The following NLRP11 variants were observed in gnomAD, a reference collection of about 807,000 sequenced individuals.
The protein encoded by NLRP11 is NACHT, LRR and PYD domains-containing protein 11.
A neutral mutation model predicts 79.3 loss-of-function variants in NLRP11; 53 were observed. The observed-to-expected ratio is 0.67, with a 90% CI of 0.54 to 0.84. The LOEUF is 0.84. NLRP11 is among the 40% of genes least tolerant of loss of function. The pLI is 0.00. For synonymous variants in NLRP11, 518 were observed against 462.6 expected (o/e 1.12, Z -1.54); for missense variants, 1,264 against 1,255.0 (o/e 1.01, Z -0.11).
intron 3 of NLRP11, among the ~76,000 whole-genome samples, chr19:55,808,425 G>A (rs1274261992): frequency 1.3e-5 from 2 of 152,176 alleles, no homozygotes; most frequent in Admixed American, 1.3e-4. Context: ...CCGCTAAGCA[G>A]ACATTTGGTG....
At chr19:55,829,804 C>T (rs929873236) in intron 1 of NLRP11, among the ~76,000 whole-genome samples, 2 of 152,132 alleles carry the variant, frequency 1.3e-5, no homozygotes, top group East Asian at 1.9e-4. Flanking sequence ...ACAGTTGACT[C>T]CTGAACTCAA....
In NLRP11 at chr19:55,820,300, C is replaced by T. The variant is rs553675235; in HGVS notation, c.-62-2064G>A. Among the ~76,000 whole-genome samples, 14 of 152,166 alleles carry T rather than the reference C, an allele frequency of 9.2e-5. 1 individual carries two copies. In the South Asian group the frequency reaches 2.5e-3, roughly 27 times the overall value. On this transcript the variant is annotated intron_variant, in intron 1 of 9. Transcript: ENST00000589093. ...GCTTTCATGTTAGGTCAGGTGAAGT[C>T]GAGCAAACTTTGGCAGCCTAGAGCT...
At chr19:55,787,383 C>T (rs1989943419) in intron 9 of NLRP11, among the ~76,000 whole-genome samples, 1 of 152,226 alleles carries the variant, frequency 6.6e-6, no homozygotes, top group Non-Finnish European at 1.5e-5. Context: ...GTCACCCAGG[C>T]TGGAGTGCAA....
intron 5 of NLRP11, 76 bp downstream of exon 5, chr19:55,801,496 G>T: frequency 1.7e-6 from 2 of 1,179,128 alleles, no homozygotes; most frequent in Non-Finnish European, 2.5e-6. Flanking sequence ...TAGTGTTATT[G>T]AAGGGGCACC....
rs114531512 is a variant in NLRP11, at chr19:55,809,205, A to G, written c.1405T>C (p.Tyr469His). 1.9e-5 allele frequency: 31 copies of G among 1,613,828 alleles called. No homozygotes were observed. Among genetic ancestry groups the G allele is most frequent in the Non-Finnish European group, 2.5e-5 (29 of 1,179,682 alleles). Residue 469 changes from tyrosine (Y) to histidine (H), a missense_variant, in exon 3 of 10, where the codon TAT (tyrosine) becomes CAT (histidine). Transcript: ENST00000589093. This position sits in a 1 kb window ranked among gnomAD's most constrained non-coding sequence, Gnocchi z 4.5. ...TCTCTGCTGCCTGAGGGGATCAGAT[A>G]GTTGGGTACTGCCATCAGAAATGCA...
chr19:55,810,160 G>A, exon 3 of NLRP11: 1 of 1,613,786 alleles, frequency 6.2e-7, no homozygotes, highest in South Asian at 1.1e-5. Context: ...CTCCCATCAG[G>A]AACACATTGA....
chr19:55,792,484 A>C lies in NLRP11; in HGVS notation c.2343-13T>G. On this transcript the variant is annotated splice_polypyrimidine_tract_variant and intron_variant, in intron 6 of 9. Transcript: ENST00000589093. ...GCAGAAGACTAACCTGCACACAGAGAAGAGTGAGTCAGTGACAGTGTGAGC... is the reference window on the plus strand; with the variant it reads ...GCAGAAGACTAACCTGCACACAGAGCAGAGTGAGTCAGTGACAGTGTGAGC... The C allele has an allele frequency of 6.2e-7, 1 of 1,612,692 alleles. No homozygotes were observed. The highest frequency in any genetic ancestry group is 1.1e-5 in the South Asian group (1 of 91,044).
At chr19:55,794,858 G>C (rs143505247) in intron 6 of NLRP11, among the ~76,000 whole-genome samples, 3,206 of 152,084 alleles carry the variant, frequency 0.021, 52 homozygotes, top group Non-Finnish European at 0.03. Context: ...ATTTTTTACA[G>C]AAAATATAAA....
intron 1 of NLRP11, among the ~76,000 whole-genome samples, chr19:55,821,238 CACACACACA>C (rs879564043): frequency 0.012 from 1,495 of 126,790 alleles, 22 homozygotes; most frequent in Middle Eastern, 0.02. Context: ...CACACACACA[CACACACACA>C]CACCCCAAGC....
At chr19:55,800,183 A>G (rs1979339806) in intron 5 of NLRP11, among the ~76,000 whole-genome samples, 1 of 152,226 alleles carries the variant, frequency 6.6e-6, no homozygotes, top group Non-Finnish European at 1.5e-5. Flanking sequence ...GATGAAGTCT[A>G]GCAAGTGGTA....
chr19:55,827,442 G>T (rs1486805731), intron 1 of NLRP11, among the ~76,000 whole-genome samples: 2 of 150,806 alleles, frequency 1.3e-5, no homozygotes, highest in African/African-American at 4.9e-5. Context: ...AAGAGCTTCT[G>T]CACAGCAAAA....
rs368511713 is a variant in NLRP11, at chr19:55,810,633, A to T, written c.272-295T>A. Among the ~76,000 whole-genome samples, 27 of 152,216 alleles carry T rather than the reference A, an allele frequency of 1.8e-4. 1 individual carries two copies. The highest frequency in any genetic ancestry group is 1.4e-3 in the East Asian group (7 of 5,172). ...TGCCTCAGCCTCCCAAGTAGCTAGG[A>T]TTACAGGCGTGCACCACCACACCTG... On this transcript the variant is annotated intron_variant, in intron 2 of 9. Transcript: ENST00000589093.
chr19:55,812,307 C>A (rs1980679476), intron 2 of NLRP11, among the ~76,000 whole-genome samples: 1 of 152,060 alleles, frequency 6.6e-6, no homozygotes, highest in Non-Finnish European at 1.5e-5. Context: ...ATTGGAATGG[C>A]TGAATGGCAG....
chr19:55,805,006 T>A (rs1979846405), intron 4 of NLRP11, among the ~76,000 whole-genome samples: 1 of 19,958 alleles, frequency 5.0e-5, no homozygotes, highest in Admixed American at 6.2e-4. Flanking sequence ...GAGGTTGCAG[T>A]GAGCTGAGAT....
At chr19:55,792,162 C>G in intron 7 of NLRP11, 139 bp downstream of exon 7, 1 of 697,754 alleles carries the variant, frequency 1.4e-6, no homozygotes, top group Non-Finnish European at 2.5e-6. Flanking sequence ...TTCATGTCGC[C>G]TATTCTGGGG....
intron 9 of NLRP11, among the ~76,000 whole-genome samples, chr19:55,788,052 A>T (rs1287770437): frequency 6.6e-6 from 1 of 152,226 alleles, no homozygotes. Flanking sequence ...ACTGTAAGAT[A>T]GTGTGTCATT....
At position 55,808,597 on chromosome 19, in the gene NLRP11, A is replaced by T. The variant is rs374532114; in HGVS notation, c.1841+172T>A. ...TCAACAGTGCTGAGGTTTAACTCAA[A>T]CTTTGAGTTTAAACAGAAGCAGAGA... On this transcript the variant is annotated intron_variant, in intron 3 of 9. Coordinates refer to ENST00000589093, the Ensembl canonical transcript of NLRP11. 5.3e-5 allele frequency among the ~76,000 whole-genome samples: 8 copies of T among 152,276 alleles called. No individual in the cohort carries two copies. In the South Asian group the frequency reaches 1.7e-3, roughly 32 times the overall value.
chr19:55,801,441 G>A (rs1979463740), intron 5 of NLRP11, 131 bp downstream of exon 5: 2 of 671,518 alleles, frequency 3.0e-6, no homozygotes, highest in Admixed American at 2.6e-5. Context: ...CAAACCACGT[G>A]CTAAAAAAAT....
chr19:55,793,287 G>A, intron 6 of NLRP11, among the ~76,000 whole-genome samples: 1 of 152,064 alleles, frequency 6.6e-6, no homozygotes, highest in Non-Finnish European at 1.5e-5. Context: ...GTTGGAAATA[G>A]GCCGGGCACG....
Sources: gnomAD v4.1 joint callset for allele counts (sites outside exome capture counted in the v4.1 genomes callset) on GRCh38, gnomAD v4.1.1 for gene constraint, Gnocchi (gnomAD v3.1) non-coding constraint, MANE v1.5 for transcripts, NCBI Gene and HGNC (gene_info 2026-07-23, HGNC 2026-07-21) for gene names.